CNTN5: variants seen among roughly 807,000 people sequenced by gnomAD.
CNTN5 encodes contactin-5.
In CNTN5, 77 loss-of-function variants were observed where a neutral mutation model predicts 129.1. That is an observed-to-expected ratio of 0.60 (90% CI 0.50 to 0.72). CNTN5 has a LOEUF of 0.72. Ranked by LOEUF, CNTN5 falls within the 30% of genes least tolerant of loss-of-function variation. CNTN5 has a pLI of 0.00. For missense variants in CNTN5, 1,478 were observed against 1,328.8 expected (o/e 1.11, Z -1.75); for synonymous variants, 509 against 465.6 (o/e 1.09, Z -1.20).
At chr11:100,082,869 T>C (rs925674272) in intron 13 of CNTN5, among the ~76,000 whole-genome samples, 2 of 152,054 alleles carry the variant, frequency 1.3e-5, no homozygotes, top group Admixed American at 1.3e-4. Flanking sequence ...TGGTAATTTA[T>C]AAAGAAAAAG....
At chr11:100,296,252 A>G (rs1412870774) in intron 18 of CNTN5, among the ~76,000 whole-genome samples, 1 of 151,598 alleles carries the variant, frequency 6.6e-6, no homozygotes, top group African/African-American at 2.4e-5. Context: ...ACATGTGGCA[A>G]CAACTATGAC....
intron 9 of CNTN5, among the ~76,000 whole-genome samples, chr11:100,011,843 A>C (rs1050038303): frequency 1.3e-5 from 2 of 152,094 alleles, no homozygotes; most frequent in African/African-American, 4.8e-5. Flanking sequence ...AGCTGTCTCA[A>C]ATGGCTGCTC....
chr11:99,777,873 A>T (rs1945179222), intron 3 of CNTN5, among the ~76,000 whole-genome samples: 1 of 151,916 alleles, frequency 6.6e-6, no homozygotes, highest in Admixed American at 6.6e-5. Context: ...CACAGTTGTT[A>T]TACAGATTAT....
At chr11:99,704,428 T>G (rs1308900233) in intron 3 of CNTN5, among the ~76,000 whole-genome samples, 2 of 151,104 alleles carry the variant, frequency 1.3e-5, no homozygotes, top group African/African-American at 2.4e-5. Context: ...CAACTCAGAT[T>G]AGTGTGGTTC....
intron 3 of CNTN5, among the ~76,000 whole-genome samples, chr11:99,619,061 T>A (rs1950847904): frequency 6.6e-6 from 1 of 152,072 alleles, no homozygotes; most frequent in East Asian, 1.9e-4. Flanking sequence ...TCATTTAATG[T>A]CACCAAATGG....
At chr11:99,450,846 C>T (rs1321466669) in intron 2 of CNTN5, among the ~76,000 whole-genome samples, 2 of 144,878 alleles carry the variant, frequency 1.4e-5, no homozygotes, top group African/African-American at 2.5e-5. Context: ...TTTTAGGGCT[C>T]CACATAAATA....
chr11:99,941,682 T>C (rs1950441815), intron 7 of CNTN5, among the ~76,000 whole-genome samples: 1 of 150,432 alleles, frequency 6.6e-6, no homozygotes, highest in Admixed American at 6.6e-5. Context: ...AGGGAGTCAT[T>C]TGAGCAGAGA....
At chr11:99,310,769 AC>A (rs1865077346) in intron 1 of CNTN5, among the ~76,000 whole-genome samples, 1 of 152,194 alleles carries the variant, frequency 6.6e-6, no homozygotes, top group African/African-American at 2.4e-5. Flanking sequence ...GAAATAATAG[AC>A]TATATACTAT....
rs1474427922 is a variant in CNTN5, at chr11:99,672,017, TC to T, written c.55+115750del. ...TCTCCAAATGTGCTGTGTCATCATC[TC>T]CTTTCCTGCTAATCAGCGGTATCCA... On this transcript the variant is annotated intron_variant, in intron 3 of 24. Transcript: ENST00000524871. Among the ~76,000 whole-genome samples the T allele has an allele frequency of 5.3e-5, 8 of 152,326 alleles. No homozygotes were observed. In the East Asian group the frequency reaches 9.6e-4, roughly 18 times the overall value.
At chr11:99,100,108 A>C (rs897348167) in intron 1 of CNTN5, among the ~76,000 whole-genome samples, 18 of 152,174 alleles carry the variant, frequency 1.2e-4, no homozygotes, top group Non-Finnish European at 2.4e-4. Context: ...GTAATGACCC[A>C]AAAAACAATC....
chr11:99,758,526 GTTC>G (rs1304151967), intron 3 of CNTN5, among the ~76,000 whole-genome samples: 1 of 151,928 alleles, frequency 6.6e-6, no homozygotes, highest in Non-Finnish European at 1.5e-5. Context: ...GAAATGATTT[GTTC>G]TTCAAGATGG....
intron 3 of CNTN5, among the ~76,000 whole-genome samples, chr11:99,733,539 A>T (rs1288996112): frequency 6.6e-6 from 1 of 152,068 alleles, no homozygotes; most frequent in Non-Finnish European, 1.5e-5. Context: ...GCCCTCTTCA[A>T]CCAAGTGTTG....
chr11:99,954,963 C>T (rs1950763787), intron 7 of CNTN5, among the ~76,000 whole-genome samples: 1 of 152,008 alleles, frequency 6.6e-6, no homozygotes, highest in Non-Finnish European at 1.5e-5. Context: ...TTCTCCTATT[C>T]TAAAAATACA....
intron 1 of CNTN5, among the ~76,000 whole-genome samples, chr11:99,309,222 CTTT>C (rs10709951): frequency 2.2e-5 from 3 of 137,552 alleles, no homozygotes; most frequent in Non-Finnish European, 4.7e-5. Flanking sequence ...TTTGCTATTT[CTTT>C]TTTTTTTTTT....
intron 15 of CNTN5, among the ~76,000 whole-genome samples, chr11:100,204,790 T>C (rs1332009390): frequency 6.6e-6 from 1 of 151,986 alleles, no homozygotes; most frequent in Non-Finnish European, 1.5e-5. Context: ...AAAAATACAA[T>C]GGATTCTAGT....
intron 3 of CNTN5, among the ~76,000 whole-genome samples, chr11:99,684,073 C>G (rs953443617): frequency 6.6e-6 from 1 of 151,534 alleles, no homozygotes; most frequent in East Asian, 1.9e-4. Flanking sequence ...ATTTTGTTTC[C>G]TCTACTCAAC....
At chr11:100,087,138 C>A (rs1482509169) in intron 13 of CNTN5, among the ~76,000 whole-genome samples, 1 of 150,996 alleles carries the variant, frequency 6.6e-6, no homozygotes, top group African/African-American at 2.4e-5. Flanking sequence ...AAGAAAAGAG[C>A]TACAAAATAC....
intron 3 of CNTN5, among the ~76,000 whole-genome samples, chr11:99,694,934 A>G (rs1954205413): frequency 6.6e-6 from 1 of 152,150 alleles, no homozygotes; most frequent in Admixed American, 6.6e-5. Context: ...AAGGAAGGTT[A>G]GGTGCCTTTC....
At chr11:100,305,409 C>T (rs1220808590) in intron 20 of CNTN5, among the ~76,000 whole-genome samples, 2 of 151,584 alleles carry the variant, frequency 1.3e-5, no homozygotes, top group African/African-American at 4.8e-5. Context: ...TAACCCTCAT[C>T]GGCCAACACT....
Sources: gnomAD v4.1 joint callset for allele counts (sites outside exome capture counted in the v4.1 genomes callset) on GRCh38, gnomAD v4.1.1 for gene constraint, MANE v1.5 for transcripts, NCBI Gene and HGNC (gene_info 2026-07-23, HGNC 2026-07-21) for gene names.